PNPLA8: variants seen among roughly 807,000 people sequenced by gnomAD.
PNPLA8 encodes the protein calcium-independent phospholipase A2-gamma.
PNPLA8 carries 39 observed loss-of-function variants against 76.9 expected under a neutral mutation model. The observed-to-expected ratio is 0.51, with a 90% CI of 0.39 to 0.66. The LOEUF is 0.66. Among genes scored for constraint, PNPLA8 ranks in the 30% least tolerant of loss-of-function variants. The pLI, the probability that PNPLA8 is intolerant of heterozygous loss-of-function variation, is 0.00. For synonymous variants in PNPLA8, 301 were observed against 307.9 expected, an observed-to-expected ratio of 0.98 and a Z score of 0.24; for missense variants, 887 against 918.0, an observed-to-expected ratio of 0.97 and a Z score of 0.44.
At chr7:108,518,332 C>T (rs1863487716) in intron 2 of PNPLA8, 1 of 152,056 alleles carries the variant, frequency 6.6e-6, no homozygotes, top group Admixed American at 6.6e-5. Context: ...TCAGCTGTTG[C>T]CAAAAGCAGT....
Position 108,471,299 on chromosome 7 carries a change from C to A in PNPLA8, c.*1102G>T, listed in dbSNP as rs2154514501. Reference sequence around the variant, plus strand: ...GGCGCTATTTGGCTCACTGCAACCTCCGTCTCTCAGGTTCAAGCCATTCTC... The same window carrying A: ...GGCGCTATTTGGCTCACTGCAACCTACGTCTCTCAGGTTCAAGCCATTCTC... On this transcript the variant is annotated 3_prime_UTR_variant, in exon 11 of 11. Transcript: ENST00000257694. 1 of 150,976 alleles carries A rather than the reference C, an allele frequency of 6.6e-6. No individual in the cohort carries two copies. Among genetic ancestry groups the A allele is most frequent in the East Asian group, 2.0e-4 (1 of 5,114 alleles). The allele number at this position is 150,976 out of a possible 1,614,324, so 9.4% of individuals were successfully genotyped here.
At chr7:108,526,181 C>CTGGGG, upstream of PNPLA8, 3 of 772,126 alleles carry the variant, frequency 3.9e-6, no homozygotes, top group Non-Finnish European at 4.7e-6. Flanking sequence ...CCCCGCTCCG[C>CTGGGG]CCCCAGCGGA....
intron 4 of PNPLA8, among the ~76,000 whole-genome samples, chr7:108,505,493 G>A (rs1487843759): frequency 2.7e-5 from 4 of 147,422 alleles, no homozygotes. Flanking sequence ...CTCCCAAGTA[G>A]CTGGAACTAC....
chr7:108,525,756 G>A (rs982149338), intron 1 of PNPLA8, among the ~76,000 whole-genome samples: 1 of 152,220 alleles, frequency 6.6e-6, no homozygotes, highest in East Asian at 1.9e-4. Flanking sequence ...GGATGGGACA[G>A]GGGGAGCAGG....
chr7:108,494,730 T>C (rs750941257), intron 7 of PNPLA8, among the ~76,000 whole-genome samples: 55 of 152,160 alleles, frequency 3.6e-4, no homozygotes, highest in Admixed American at 3.3e-4. Context: ...ATATGCCCAG[T>C]AGTAGGATTG....
intron 10 of PNPLA8, among the ~76,000 whole-genome samples, chr7:108,473,585 T>C (rs1315871776): frequency 6.6e-6 from 1 of 152,232 alleles, no homozygotes; most frequent in East Asian, 1.9e-4. Flanking sequence ...GTCTTAAGTT[T>C]TGCATTATAG....
At chr7:108,511,053 A>AAT in intron 4 of PNPLA8, 1 of 687,230 alleles carries the variant, frequency 1.5e-6, no homozygotes, top group Non-Finnish European at 2.4e-6. Flanking sequence ...AAAAAAAAAA[A>AAT]AAAAAAGAAA....
At chr7:108,517,710 C>T (rs1166186557) in intron 2 of PNPLA8, among the ~76,000 whole-genome samples, 1 of 152,142 alleles carries the variant, frequency 6.6e-6, no homozygotes, top group Admixed American at 6.5e-5. Flanking sequence ...TCTGTTCAGG[C>T]TCCTACAACA....
chr7:108,506,332 C>T (rs746110949), intron 4 of PNPLA8, among the ~76,000 whole-genome samples: 7 of 151,920 alleles, frequency 4.6e-5, no homozygotes, highest in Admixed American at 1.3e-4. Flanking sequence ...AAGCCGAGAT[C>T]GCACCACTGC....
At position 108,515,209 on chromosome 7, in the gene PNPLA8, TAAGTCCCTTGGGAGCA is replaced by T; in HGVS notation, c.267_282del (p.Ala90GlnfsTer3). The T allele has an allele frequency of 6.2e-7, 1 of 1,604,486 alleles. No individual in the cohort carries two copies. The highest frequency in any genetic ancestry group is 8.5e-7 in the Non-Finnish European group (1 of 1,173,686). On this transcript the variant is annotated frameshift_variant, in exon 3 of 11. Coordinates refer to ENST00000257694, the MANE Select transcript of PNPLA8 (RefSeq NM_001256007.3). LOFTEE classifies it high-confidence loss of function. The stretch of plus-strand genomic sequence containing the variant: ...CGGGACATACAAATGTTCACTTTTG[TAAGTCCCTTGGGAGCA>T]GAAGTGCTAAGTTTCAAAATCCCAA...
At chr7:108,481,384 G>A (rs139304860) in intron 9 of PNPLA8, among the ~76,000 whole-genome samples, 1 of 152,230 alleles carries the variant, frequency 6.6e-6, no homozygotes, top group East Asian at 1.9e-4. Flanking sequence ...GGTACTGTCC[G>A]TATTATTTTA....
In PNPLA8 at chr7:108,515,539, G is replaced by A; in HGVS notation, c.-48C>T. Reference sequence around the variant, plus strand: ...TATGACATTCTCTCACTTCTTGAACGCTTCATTTAAGAAATGCCATAATTC... The same window carrying A: ...TATGACATTCTCTCACTTCTTGAACACTTCATTTAAGAAATGCCATAATTC... On this transcript the variant is annotated 5_prime_UTR_variant, in exon 3 of 11. Transcript: ENST00000257694. 1.6e-5 allele frequency: 21 copies of A among 1,312,636 alleles called. No homozygotes were observed. Among genetic ancestry groups the A allele is most frequent in the Non-Finnish European group, 2.0e-5 (21 of 1,027,274 alleles). 81.3% of individuals were successfully genotyped at this position (1,312,636 alleles called of 1,614,324 possible).
chr7:108,523,684 T>C (rs1210997809), intron 1 of PNPLA8, among the ~76,000 whole-genome samples: 1 of 152,178 alleles, frequency 6.6e-6, no homozygotes, highest in Non-Finnish European at 1.5e-5. Context: ...GCTGCACTCT[T>C]CTGCAGCACT....
chr7:108,476,334 T>C (rs1391334106), intron 10 of PNPLA8, among the ~76,000 whole-genome samples: 1 of 152,198 alleles, frequency 6.6e-6, no homozygotes, highest in Non-Finnish European at 1.5e-5. Context: ...CAGACTTAAC[T>C]CTTATGCGAC....
At position 108,523,619 on chromosome 7, in the gene PNPLA8, T is replaced by C. The variant is rs532480196; in HGVS notation, c.-129-2098A>G. Among the ~76,000 whole-genome samples, 5 of 152,316 alleles carry C rather than the reference T, an allele frequency of 3.3e-5. No homozygotes were observed. The East Asian group carries it at 7.7e-4, about 24-fold the overall frequency. ...CAGCTTCTGCTTTAAGGTCCATAAATACCCCTAAGAAAAAATCCACTGCGG... is the reference window on the plus strand; with the variant it reads ...CAGCTTCTGCTTTAAGGTCCATAAACACCCCTAAGAAAAAATCCACTGCGG... On this transcript the variant is annotated intron_variant, in intron 1 of 10. Coordinates refer to ENST00000257694, the MANE Select transcript of PNPLA8 (RefSeq NM_001256007.3).
intron 10 of PNPLA8, among the ~76,000 whole-genome samples, chr7:108,472,988 T>C (rs1378905596): frequency 1.3e-5 from 2 of 152,198 alleles, no homozygotes; most frequent in Non-Finnish European, 2.9e-5. Context: ...GGGATCAACT[T>C]CATTGACATA....
intron 2 of PNPLA8, among the ~76,000 whole-genome samples, chr7:108,520,375 A>G (rs1232855754): frequency 6.6e-6 from 1 of 152,198 alleles, no homozygotes; most frequent in Admixed American, 6.5e-5. Context: ...GGAGCTAAAA[A>G]AAATTGGATC....
intron 5 of PNPLA8, among the ~76,000 whole-genome samples, chr7:108,498,809 G>A (rs1003076250): frequency 1.3e-5 from 2 of 152,110 alleles, no homozygotes; most frequent in Non-Finnish European, 1.5e-5. Context: ...TGTGTATCAT[G>A]ACAATTTTTA....
chr7:108,484,072 G>C (rs941802819), intron 9 of PNPLA8, among the ~76,000 whole-genome samples: 32 of 152,140 alleles, frequency 2.1e-4, no homozygotes, highest in African/African-American at 7.7e-4. Flanking sequence ...ACAAAAAAGG[G>C]AAAAGATGAA....
Sources: gnomAD v4.1 joint callset for allele counts (sites outside exome capture counted in the v4.1 genomes callset) on GRCh38, gnomAD v4.1.1 for gene constraint, MANE v1.5 for transcripts, NCBI Gene and HGNC (gene_info 2026-07-23, HGNC 2026-07-21) for gene names.